Variants in SV2C observed in about 807,000 individuals in gnomAD.
The protein encoded by SV2C is solute carrier family 22 member B3.
Under a neutral mutation model 79.7 loss-of-function variants are expected in SV2C, and 49 were observed. The observed-to-expected ratio is 0.61, with a 90% CI of 0.49 to 0.78. The LOEUF (loss-of-function observed/expected upper bound fraction) is 0.78, where lower values mean the gene tolerates loss of function less well. Among genes scored for constraint, SV2C ranks in the 30% least tolerant of loss-of-function variants. SV2C has a pLI of 0.00. For missense variants in SV2C, 833 were observed against 912.9 expected (o/e 0.91, Z 1.13); for synonymous variants, 334 against 333.2 (o/e 1.00, Z -0.03).
intron 3 of SV2C, among the ~76,000 whole-genome samples, chr5:76,205,580 TG>T (rs1744583603): frequency 6.6e-6 from 1 of 152,292 alleles, no homozygotes; most frequent in African/African-American, 2.4e-5. Context: ...AAATATAACT[TG>T]AAAAAAATGA....
the SV2C span, among the ~76,000 whole-genome samples, chr5:76,035,482 T>A: frequency 6.6e-6 from 1 of 152,176 alleles, no homozygotes; most frequent in Non-Finnish European, 1.5e-5. Context: ...AGAACATCTT[T>A]ATTTCTGCCT....
intron 2 of SV2C, among the ~76,000 whole-genome samples, chr5:76,159,978 G>T (rs1185539299): frequency 6.6e-6 from 1 of 151,564 alleles, no homozygotes; most frequent in African/African-American, 2.4e-5. Context: ...ATTTATAATA[G>T]TATTAAAAAA....
At chr5:76,339,713 CAA>C (rs536302675) in intron 12 of SV2C, among the ~76,000 whole-genome samples, 3,184 of 77,762 alleles carry the variant, frequency 0.041, 103 homozygotes, top group African/African-American at 0.12. Flanking sequence ...GACTCTGTCT[CAA>C]AAAAAAAAAA....
At chr5:76,285,029 G>A (rs954912760) in intron 4 of SV2C, 133 bp from the exon 5 acceptor site, 9 of 1,297,170 alleles carry the variant, frequency 6.9e-6, no homozygotes, top group Non-Finnish European at 9.6e-6. Context: ...CATGGATGAT[G>A]CCCAGATCAG....
chr5:75,892,937 C>A, the SV2C span, among the ~76,000 whole-genome samples: 3 of 152,004 alleles, frequency 2.0e-5, no homozygotes, highest in African/African-American at 7.2e-5. Context: ...TGGGTATATA[C>A]CCAGTAATGG....
At position 76,326,231 on chromosome 5, in the gene SV2C, G is replaced by A. The variant is rs1448781036; in HGVS notation, c.*684G>A. 1 of 152,216 alleles carries A rather than the reference G, an allele frequency of 6.6e-6. No homozygotes were observed. The highest frequency in any genetic ancestry group is 1.5e-5 in the Non-Finnish European group (1 of 68,044). 9.4% of individuals were successfully genotyped at this position (152,216 alleles called of 1,614,324 possible). On this transcript the variant is annotated 3_prime_UTR_variant, in exon 13 of 13. Transcript: ENST00000502798. ...GAAAGCCCAATTAAACCTCTGAAAA[G>A]TGTGAGGAAAAAGAACTGTAACAGT... is the stretch of plus-strand genomic sequence containing the variant.
chr5:75,860,147 A>T, the SV2C span, among the ~76,000 whole-genome samples: 8 of 152,172 alleles, frequency 5.3e-5, no homozygotes, highest in African/African-American at 1.9e-4. Flanking sequence ...AATCCTAAGG[A>T]CTCTGTCAAA....
At position 76,317,745 on chromosome 5, in the gene SV2C, C is replaced by T. The variant is rs145936686; in HGVS notation, c.2001-7619C>T. 8.2e-3 allele frequency among the ~76,000 whole-genome samples: 1,244 copies of T among 152,302 alleles called. 12 individuals carry two copies. Among genetic ancestry groups the T allele is most frequent in the African/African-American group, 0.024 (1,012 of 41,568 alleles). On this transcript the variant is annotated intron_variant, in intron 12 of 12. Transcript: ENST00000502798. ...CTCGAGAGGCTGAGGAGGAGGATCA[C>T]TTGGGCCTGGAAGGTCGAGGCTGCA...
At chr5:76,087,032 G>A (rs978510082) in intron 1 of SV2C, among the ~76,000 whole-genome samples, 5 of 152,088 alleles carry the variant, frequency 3.3e-5, no homozygotes, top group Non-Finnish European at 5.9e-5. Flanking sequence ...AATATATGAT[G>A]AGTTATATTT....
the SV2C span, among the ~76,000 whole-genome samples, chr5:76,058,768 A>C: frequency 5.0e-4 from 76 of 152,246 alleles, no homozygotes; most frequent in African/African-American, 1.7e-3. Context: ...ACAGTTTACA[A>C]TATAAATAAG....
At chr5:76,239,289 G>A (rs1745709009) in intron 4 of SV2C, among the ~76,000 whole-genome samples, 1 of 152,154 alleles carries the variant, frequency 6.6e-6, no homozygotes, top group African/African-American at 2.4e-5. Context: ...TATTTAGTCT[G>A]CCATGTCCAT....
At chr5:76,307,366 C>G (rs529102136) in intron 12 of SV2C, among the ~76,000 whole-genome samples, 1 of 152,214 alleles carries the variant, frequency 6.6e-6, no homozygotes, top group East Asian at 1.9e-4. Context: ...AGCAGATAGC[C>G]CTTTCAAAGT....
intron 4 of SV2C, among the ~76,000 whole-genome samples, chr5:76,273,820 G>A (rs767190637): frequency 3.3e-5 from 5 of 152,188 alleles, no homozygotes; most frequent in Non-Finnish European, 7.3e-5. Flanking sequence ...ATTATGTGCT[G>A]CAGGCAGATC....
intron 12 of SV2C, among the ~76,000 whole-genome samples, chr5:76,308,175 T>C (rs1748272827): frequency 1.3e-5 from 2 of 152,288 alleles, no homozygotes; most frequent in South Asian, 4.1e-4. Flanking sequence ...TTTCTGTGAC[T>C]CCTCTCTGGC....
At chr5:76,168,200 G>C (rs2112263403) in intron 2 of SV2C, among the ~76,000 whole-genome samples, 1 of 152,240 alleles carries the variant, frequency 6.6e-6, no homozygotes, top group Middle Eastern at 3.4e-3. Flanking sequence ...CTCCTCCCCA[G>C]TCCTGCATGG....
At chr5:76,136,528 TG>T (rs1265889677) in intron 2 of SV2C, among the ~76,000 whole-genome samples, 13 of 145,286 alleles carry the variant, frequency 8.9e-5, no homozygotes, top group East Asian at 2.3e-4. Flanking sequence ...TAGTGCTTTA[TG>T]TTTTTTTTTT....
At chr5:75,894,399 C>T in the SV2C span, among the ~76,000 whole-genome samples, 4 of 151,922 alleles carry the variant, frequency 2.6e-5, no homozygotes, top group Non-Finnish European at 5.9e-5. Flanking sequence ...TTAATTTGCC[C>T]TATTCTGATC....
At chr5:75,997,326 C>T in the SV2C span, among the ~76,000 whole-genome samples, 3 of 152,030 alleles carry the variant, frequency 2.0e-5, no homozygotes, top group Admixed American at 6.6e-5. Flanking sequence ...CAACAAAAGC[C>T]AAAATTGACA....
chr5:76,180,515 G>A (rs770392117), intron 2 of SV2C, among the ~76,000 whole-genome samples: 3 of 152,192 alleles, frequency 2.0e-5, no homozygotes, highest in Non-Finnish European at 2.9e-5. Context: ...CTTTTCTTCT[G>A]TCTTCACTGA....
Sources: gnomAD v4.1 joint callset for allele counts (sites outside exome capture counted in the v4.1 genomes callset) on GRCh38, gnomAD v4.1.1 for gene constraint, MANE v1.5 for transcripts, NCBI Gene and HGNC (gene_info 2026-07-23, HGNC 2026-07-21) for gene names.